Variants in DMRT1 observed in about 807,000 individuals in gnomAD.
The protein encoded by DMRT1 is doublesex and mab-3 related transcription factor 1.
Under a neutral mutation model 32.3 loss-of-function variants are expected in DMRT1, and 7 were observed. The observed-to-expected ratio is 0.22, with a 90% CI of 0.12 to 0.41. The LOEUF is 0.41. DMRT1 is among the 10% of genes least tolerant of loss of function. The pLI is 1.00. For missense variants in DMRT1, 625 were observed against 500.5 expected, an observed-to-expected ratio of 1.25 and a Z score of -2.37; for synonymous variants, 278 against 206.1, an observed-to-expected ratio of 1.35 and a Z score of -2.99.
At chr9:910,285 A>G (rs1359602138) in intron 3 of DMRT1, among the ~76,000 whole-genome samples, 2 of 152,134 alleles carry the variant, frequency 1.3e-5, no homozygotes, top group Non-Finnish European at 2.9e-5. Context: ...ATCATCTGAT[A>G]TAAGTTCAAA....
chr9:881,337 A>G (rs1345538922), intron 2 of DMRT1, among the ~76,000 whole-genome samples: 1 of 152,242 alleles, frequency 6.6e-6, no homozygotes, highest in East Asian at 1.9e-4. Context: ...GTGAAACAAT[A>G]TGGTGAGGTA....
chr9:847,976 C>T (rs781531488), intron 2 of DMRT1, among the ~76,000 whole-genome samples: 1 of 152,292 alleles, frequency 6.6e-6, no homozygotes, highest in African/African-American at 2.4e-5. Flanking sequence ...AAGTCTAATT[C>T]GATGGCACTG....
intron 4 of DMRT1, among the ~76,000 whole-genome samples, chr9:930,783 G>GGCCT (rs58257045): frequency 0.36 from 54,164 of 151,702 alleles, 13,599 homozygotes; most frequent in African/African-American, 0.72. Context: ...GCCTCAAGCG[G>GGCCT]CCTGTTTCAG....
chr9:918,445 C>A (rs1368700699), intron 4 of DMRT1, among the ~76,000 whole-genome samples: 1 of 151,880 alleles, frequency 6.6e-6, no homozygotes, highest in Non-Finnish European at 1.5e-5. Flanking sequence ...CAGAGAGGAG[C>A]GAATTTGGAG....
intron 2 of DMRT1, among the ~76,000 whole-genome samples, chr9:880,315 C>G (rs933454751): frequency 3.9e-5 from 6 of 152,002 alleles, no homozygotes; most frequent in Admixed American, 2.0e-4. Flanking sequence ...CAGATTTGAT[C>G]AAGTTACTCT....
intron 2 of DMRT1, among the ~76,000 whole-genome samples, chr9:858,867 AAAAATATATATATAT>A (rs1415779023): frequency 1.1e-4 from 2 of 18,292 alleles, no homozygotes; most frequent in African/African-American, 3.1e-4. Context: ...AAAAAAAAAA[AAAAATATATATATAT>A]ATATATATAT....
At chr9:894,791 G>GTTTTTTTTTTTTTTTT (rs1231759673) in intron 3 of DMRT1, 1 of 147,956 alleles carries the variant, frequency 6.8e-6, no homozygotes, top group African/African-American at 2.6e-5. Context: ...CTCCAAGTTT[G>GTTTTTTTTTTTTTTTT]TTTTTTTTTT....
At chr9:916,712 T>A (rs1440763581) in intron 3 of DMRT1, 51 bp from the exon 4 acceptor site, 1 of 1,600,698 alleles carries the variant, frequency 6.2e-7, no homozygotes, top group Non-Finnish European at 8.6e-7. Context: ...ATTGTACTAG[T>A]TGTGACATGC....
At chr9:873,899 C>A (rs1816383665) in intron 2 of DMRT1, among the ~76,000 whole-genome samples, 1 of 152,118 alleles carries the variant, frequency 6.6e-6, no homozygotes, top group Non-Finnish European at 1.5e-5. Context: ...CTAGTACTCC[C>A]CCCAAAATTC....
chr9:870,965 C>G (rs1816222364), intron 2 of DMRT1, among the ~76,000 whole-genome samples: 2 of 151,582 alleles, frequency 1.3e-5, no homozygotes, highest in African/African-American at 4.8e-5. Context: ...CCTCCTGACA[C>G]CCAAAGTGCG....
At chr9:860,251 C>A (rs1589458932) in intron 2 of DMRT1, among the ~76,000 whole-genome samples, 1 of 152,070 alleles carries the variant, frequency 6.6e-6, no homozygotes, top group African/African-American at 2.4e-5. Context: ...GAGCCGAGAT[C>A]GTGCCATTGT....
intron 2 of DMRT1, among the ~76,000 whole-genome samples, chr9:874,592 G>C (rs972869396): frequency 2.0e-5 from 3 of 152,006 alleles, no homozygotes; most frequent in African/African-American, 7.2e-5. Flanking sequence ...GTTAGAAAAA[G>C]GGCCATGATG....
At chr9:842,335 A>G (rs1290487755) in intron 1 of DMRT1, 143 bp downstream of exon 1, 2 of 1,097,662 alleles carry the variant, frequency 1.8e-6, no homozygotes, top group African/African-American at 1.6e-5. Context: ...CCCGGGTTCA[A>G]GCAATTCTCC....
At chr9:909,921 C>G (rs535987119) in intron 3 of DMRT1, among the ~76,000 whole-genome samples, 88 of 152,176 alleles carry the variant, frequency 5.8e-4, no homozygotes, top group African/African-American at 2.1e-3. Flanking sequence ...ACCATGTTGC[C>G]CAGACTGTTC....
intron 3 of DMRT1, among the ~76,000 whole-genome samples, chr9:909,960 C>T (rs547136404): frequency 1.4e-4 from 22 of 152,194 alleles, no homozygotes; most frequent in Non-Finnish European, 3.1e-4. Flanking sequence ...ATAATCCTTC[C>T]TCCTCAGCCT....
intron 4 of DMRT1, among the ~76,000 whole-genome samples, chr9:966,701 A>C (rs1431853294): frequency 6.6e-6 from 1 of 152,222 alleles, no homozygotes; most frequent in Non-Finnish European, 1.5e-5. Context: ...AGCTGCAGCA[A>C]ACCTTTTCCA....
chr9:951,578 A>G (rs750117041), intron 4 of DMRT1, among the ~76,000 whole-genome samples: 18 of 152,176 alleles, frequency 1.2e-4, no homozygotes, highest in African/African-American at 2.7e-4. Flanking sequence ...GAAAATATCA[A>G]CAAGAGGGTT....
intron 1 of DMRT1, among the ~76,000 whole-genome samples, chr9:844,742 C>G (rs1314993492): frequency 1.7e-5 from 2 of 119,780 alleles, no homozygotes; most frequent in Non-Finnish European, 3.3e-5. Flanking sequence ...TTTTTTGAGA[C>G]AGGAGTCTCG....
intron 4 of DMRT1, among the ~76,000 whole-genome samples, chr9:922,657 TG>T (rs1308699775): frequency 1.3e-5 from 2 of 152,254 alleles, no homozygotes; most frequent in African/African-American, 4.8e-5. Context: ...GTTTATTTTG[TG>T]ATCTCGGTTT....
Sources: allele counts gnomAD v4.1 joint callset (sites outside exome capture counted in the v4.1 genomes callset), GRCh38; gene constraint gnomAD v4.1.1; transcripts MANE v1.5; gene names NCBI Gene and HGNC (gene_info 2026-07-23, HGNC 2026-07-21).